The following ALOX5AP variants were observed in gnomAD, a reference collection of about 807,000 sequenced individuals.
ALOX5AP encodes the protein arachidonate 5-lipoxygenase-activating protein.
In ALOX5AP, 9 loss-of-function variants were observed where a neutral mutation model predicts 18.5. The observed-to-expected ratio is 0.49, with a 90% confidence interval of 0.29 to 0.85. The LOEUF (loss-of-function observed/expected upper bound fraction) is 0.85, where lower values mean the gene tolerates loss of function less well. Among genes scored for constraint, ALOX5AP ranks in the 40% least tolerant of loss-of-function variants. ALOX5AP has a pLI of 0.08. For synonymous variants in ALOX5AP, 81 were observed against 78.6 expected (o/e 1.03, Z -0.16); for missense variants, 172 against 202.5 (o/e 0.85, Z 0.91).
chr13:30,726,564 G>A (rs1017085895), intron 1 of ALOX5AP, among the ~76,000 whole-genome samples: 1 of 152,222 alleles, frequency 6.6e-6, no homozygotes, highest in African/African-American at 2.4e-5. Context: ...AATATAGAAT[G>A]AGTAGTGGAA....
chr13:30,763,064 T>G (rs1409507192), intron 4 of ALOX5AP, among the ~76,000 whole-genome samples: 11 of 152,136 alleles, frequency 7.2e-5, no homozygotes, highest in Non-Finnish European at 1.3e-4. Context: ...TCCCAGCACT[T>G]TGGGAGGCCG....
At chr13:30,733,189 G>A (rs932722651), upstream of ALOX5AP, among the ~76,000 whole-genome samples, 1 of 151,640 alleles carries the variant, frequency 6.6e-6, no homozygotes, top group South Asian at 2.1e-4. Context: ...GAGGAAGGGC[G>A]GGAGAGAGAG....
intron 1 of ALOX5AP, among the ~76,000 whole-genome samples, chr13:30,719,680 G>T (rs553846186): frequency 1.2e-4 from 18 of 152,252 alleles, no homozygotes; most frequent in African/African-American, 2.9e-4. Context: ...CTATGTCATA[G>T]GTTGTTGGCT....
intron 4 of ALOX5AP, among the ~76,000 whole-genome samples, chr13:30,756,773 A>G (rs1951898238): frequency 7.4e-6 from 1 of 135,842 alleles, no homozygotes. Flanking sequence ...AGATTGCGCC[A>G]CTGCACTCCA....
chr13:30,760,296 A>T (rs1448888446), intron 4 of ALOX5AP, among the ~76,000 whole-genome samples: 1 of 151,380 alleles, frequency 6.6e-6, no homozygotes, highest in Non-Finnish European at 1.5e-5. Context: ...GGCCACAGAG[A>T]GCTGAGCTGG....
intron 1 of ALOX5AP, among the ~76,000 whole-genome samples, chr13:30,717,057 G>A (rs997904840): frequency 3.9e-5 from 6 of 152,246 alleles, no homozygotes; most frequent in East Asian, 1.9e-4. Context: ...CTGCCCATGC[G>A]GCCGATCTGT....
chr13:30,759,504 A>T (rs1264818984), intron 4 of ALOX5AP, among the ~76,000 whole-genome samples: 1 of 152,222 alleles, frequency 6.6e-6, no homozygotes, highest in African/African-American at 2.4e-5. Context: ...AACAGTGAAC[A>T]TGACGGAGTC....
chr13:30,733,042 C>T (rs536149800), upstream of ALOX5AP, among the ~76,000 whole-genome samples: 10 of 151,688 alleles, frequency 6.6e-5, no homozygotes, highest in Non-Finnish European at 1.2e-4. Context: ...GCCTGTAGTC[C>T]CAGCTACTGA....
intron 4 of ALOX5AP, among the ~76,000 whole-genome samples, chr13:30,760,908 T>TA (rs574118434): frequency 9.9e-4 from 148 of 148,796 alleles, no homozygotes; most frequent in Non-Finnish European, 1.7e-3. Flanking sequence ...GTGGTTGGTA[T>TA]AAAAAAAAAA....
rs199776317 is a variant in ALOX5AP at position 30,755,940 on chromosome 13, T to C, written c.242-4T>C. ...GACACAGGTGTTTTCATTTCTCCAC[T>C]TAGTTCCTGCTGCGTTTGCTGGACT... On this transcript the variant is annotated splice_region_variant and splice_polypyrimidine_tract_variant and intron_variant, in intron 3 of 4. Transcript: ENST00000380490. The C allele has an allele frequency of 3.1e-6, 5 of 1,614,022 alleles. No homozygotes were observed. Among genetic ancestry groups the C allele is most frequent in the East Asian group, 2.2e-5 (1 of 44,880 alleles).
intron 1 of ALOX5AP, among the ~76,000 whole-genome samples, chr13:30,743,611 C>A (rs762622839): frequency 6.6e-6 from 1 of 151,908 alleles, no homozygotes; most frequent in Non-Finnish European, 1.5e-5. Context: ...CTTAGAGCGG[C>A]CCCTCTCCCT....
intron 1 of ALOX5AP, among the ~76,000 whole-genome samples, chr13:30,716,452 T>C (rs146045355): frequency 6.6e-6 from 1 of 152,350 alleles, no homozygotes; most frequent in African/African-American, 2.4e-5. Context: ...CAGGCCGCAC[T>C]TGGACCTGTA....
intron 3 of ALOX5AP, among the ~76,000 whole-genome samples, chr13:30,752,728 C>T (rs1951862745): frequency 6.6e-6 from 1 of 152,348 alleles, no homozygotes; most frequent in South Asian, 2.1e-4. Context: ...CATGAACTGG[C>T]CAGCTTCTGT....
chr13:30,761,818 G>A (rs562346802), intron 4 of ALOX5AP, among the ~76,000 whole-genome samples: 2 of 152,182 alleles, frequency 1.3e-5, no homozygotes, highest in African/African-American at 4.8e-5. Context: ...AGTCATACTG[G>A]ATGAGGATCC....
intron 1 of ALOX5AP, among the ~76,000 whole-genome samples, chr13:30,714,047 A>G (rs1434789862): frequency 6.6e-6 from 1 of 152,148 alleles, no homozygotes; most frequent in African/African-American, 2.4e-5. Context: ...TTTATTCCAT[A>G]AATCTGAATT....
At chr13:30,730,612 C>T (rs143291237), upstream of ALOX5AP, among the ~76,000 whole-genome samples, 1 of 152,128 alleles carries the variant, frequency 6.6e-6, no homozygotes, top group Admixed American at 6.5e-5. Flanking sequence ...GGAGGGCAAC[C>T]CTGAATGGGG....
chr13:30,740,004 G>T (rs895950555), intron 1 of ALOX5AP, among the ~76,000 whole-genome samples: 1 of 152,164 alleles, frequency 6.6e-6, no homozygotes, highest in African/African-American at 2.4e-5. Flanking sequence ...CACTTAGACT[G>T]TGCCTGCTCT....
At chr13:30,733,203 G>C (rs1951695765), upstream of ALOX5AP, among the ~76,000 whole-genome samples, 1 of 151,220 alleles carries the variant, frequency 6.6e-6, no homozygotes, top group African/African-American at 2.4e-5. Flanking sequence ...GAGAGAGAGA[G>C]AGAAAGCTCT....
intron 1 of ALOX5AP, among the ~76,000 whole-genome samples, chr13:30,742,871 C>A (rs1262852670): frequency 7.4e-6 from 1 of 134,954 alleles, no homozygotes; most frequent in Non-Finnish European, 1.6e-5. Context: ...CCCCCCCCCA[C>A]CCCCCATCAT....
Sources: gnomAD v4.1 joint callset for allele counts (sites outside exome capture counted in the v4.1 genomes callset) on GRCh38, gnomAD v4.1.1 for gene constraint, MANE v1.5 for transcripts, NCBI Gene and HGNC (gene_info 2026-07-23, HGNC 2026-07-21) for gene names.